The following WWOX variants were observed in gnomAD, a reference collection of about 807,000 sequenced individuals.
WWOX encodes WW domain-containing oxidoreductase.
Under a neutral mutation model 46.2 loss-of-function variants are expected in WWOX, and 69 were observed. That is an observed-to-expected ratio of 1.49 (90% CI 1.23 to 1.82). The LOEUF (loss-of-function observed/expected upper bound fraction) is 1.82. Ranked by LOEUF, WWOX falls within the 40% of genes most tolerant of loss-of-function variation. The pLI is 0.00. For missense variants in WWOX, 919 were observed against 542.6 expected (o/e 1.69, Z -6.89); for synonymous variants, 359 against 202.6 (o/e 1.77, Z -6.56).
intron 8 of WWOX, among the ~76,000 whole-genome samples, chr16:79,155,971 C>A (rs952862991): frequency 6.6e-6 from 1 of 151,872 alleles, no homozygotes; most frequent in African/African-American, 2.4e-5. Flanking sequence ...ATACTTAAAG[C>A]ACCTAAGCAC....
At chr16:78,381,262 A>G (rs2081951546) in intron 5 of WWOX, among the ~76,000 whole-genome samples, 1 of 152,234 alleles carries the variant, frequency 6.6e-6, no homozygotes, top group Admixed American at 6.5e-5. Context: ...CTGTTGCATA[A>G]CAACAAGAAA....
chr16:79,160,308 C>G (rs1444868254), intron 8 of WWOX, among the ~76,000 whole-genome samples: 1 of 152,156 alleles, frequency 6.6e-6, no homozygotes, highest in African/African-American at 2.4e-5. Context: ...GGAAGATAGA[C>G]TCCATGCAAC....
At chr16:78,689,494 C>T (rs1320391673) in intron 8 of WWOX, among the ~76,000 whole-genome samples, 1 of 152,212 alleles carries the variant, frequency 6.6e-6, no homozygotes, top group Non-Finnish European at 1.5e-5. Context: ...CTTGACCTTG[C>T]TCCTCTCTCC....
chr16:78,806,562 G>T (rs991955485), intron 8 of WWOX, among the ~76,000 whole-genome samples: 8 of 152,054 alleles, frequency 5.3e-5, no homozygotes, highest in African/African-American at 1.7e-4. Flanking sequence ...TTGCTGGAGG[G>T]TCTATTGGCT....
intron 8 of WWOX, among the ~76,000 whole-genome samples, chr16:78,699,893 C>G (rs184287747): frequency 6.6e-6 from 1 of 152,092 alleles, no homozygotes. Context: ...TTCATGGAGA[C>G]TGGCATTGTC....
At chr16:78,565,784 G>A (rs1230439368) in intron 8 of WWOX, among the ~76,000 whole-genome samples, 4 of 152,158 alleles carry the variant, frequency 2.6e-5, no homozygotes, top group Non-Finnish European at 4.4e-5. Flanking sequence ...CGCGGAAGTA[G>A]AGAATATAAG....
chr16:78,262,950 A>G (rs1419611711), intron 5 of WWOX, among the ~76,000 whole-genome samples: 3 of 152,122 alleles, frequency 2.0e-5, no homozygotes, highest in Admixed American at 1.3e-4. Flanking sequence ...AGGAGAGACA[A>G]AACAGTTTTT....
intron 8 of WWOX, among the ~76,000 whole-genome samples, chr16:79,056,954 G>T (rs1322695750): frequency 2.0e-5 from 3 of 152,168 alleles, no homozygotes; most frequent in Non-Finnish European, 4.4e-5. Context: ...ATAGGGACAG[G>T]ATATTTATTA....
intron 8 of WWOX, among the ~76,000 whole-genome samples, chr16:79,049,817 AGAGT>A (rs1396377302): frequency 1.3e-5 from 2 of 148,600 alleles, no homozygotes; most frequent in South Asian, 4.4e-4. Flanking sequence ...CCTGGCCGAC[AGAGT>A]GAGACTCTGT....
At chr16:78,763,866 T>G (rs1442780329) in intron 8 of WWOX, among the ~76,000 whole-genome samples, 8 of 152,218 alleles carry the variant, frequency 5.3e-5, no homozygotes, top group Admixed American at 5.2e-4. Flanking sequence ...TGCAGAGTTT[T>G]TGGGGAGTCT....
intron 6 of WWOX, among the ~76,000 whole-genome samples, chr16:78,391,839 A>C (rs1268357024): frequency 1.3e-5 from 2 of 152,184 alleles, no homozygotes; most frequent in East Asian, 3.9e-4. Context: ...TGTCTCAAAC[A>C]AATTACTCCA....
chr16:78,926,380 A>T (rs199553502), intron 8 of WWOX, among the ~76,000 whole-genome samples: 34,441 of 151,908 alleles, frequency 0.23, 6,237 homozygotes, highest in African/African-American at 0.51. Context: ...CAAAAAAAAA[A>T]AAAAAAAGTT....
At chr16:78,114,756 G>C (rs1428476055) in intron 3 of WWOX, among the ~76,000 whole-genome samples, 1 of 152,092 alleles carries the variant, frequency 6.6e-6, no homozygotes, top group Non-Finnish European at 1.5e-5. Context: ...TATGTTATAG[G>C]CAGTTCTGAA....
At chr16:78,810,045 T>G (rs9936644) in intron 8 of WWOX, among the ~76,000 whole-genome samples, 30,834 of 152,174 alleles carry the variant, frequency 0.2, 3,269 homozygotes, top group East Asian at 0.32. Flanking sequence ...TTTCCATTTT[T>G]ATGCTTCCTG....
At chr16:78,460,124 TC>T (rs1216909780) in intron 8 of WWOX, among the ~76,000 whole-genome samples, 1 of 151,390 alleles carries the variant, frequency 6.6e-6, no homozygotes, top group African/African-American at 2.4e-5. Flanking sequence ...TGCCTTCCCC[TC>T]CCCTTCCCTC....
At chr16:79,057,372 C>G (rs999266844) in intron 8 of WWOX, among the ~76,000 whole-genome samples, 1 of 152,176 alleles carries the variant, frequency 6.6e-6, no homozygotes, top group Admixed American at 6.5e-5. Context: ...GAAAAGAAGA[C>G]CACTGTAATT....
intron 8 of WWOX, among the ~76,000 whole-genome samples, chr16:79,158,213 G>A (rs987748348): frequency 5.3e-5 from 8 of 152,006 alleles, no homozygotes; most frequent in South Asian, 2.1e-4. Context: ...AAAATTGGCC[G>A]GGAAGAACTA....
At chr16:78,584,390 G>C (rs1158641035) in intron 8 of WWOX, among the ~76,000 whole-genome samples, 1 of 152,140 alleles carries the variant, frequency 6.6e-6, no homozygotes, top group Non-Finnish European at 1.5e-5. Flanking sequence ...GACTTTCCAG[G>C]CTTGGGATTT....
rs60281450 is a variant in WWOX, at chr16:78,508,310, C to CTTTTTTTTTTTT, written c.1056+75577_1056+75588dup. ...ATAGGCGTGAGCCACTGCGCCCGGC[C>CTTTTTTTTTTTT]TTTTTTTTTTTTTTTTTTTTTTTTT... On this transcript the variant is annotated intron_variant, in intron 8 of 8. Transcript: ENST00000566780. Among the ~76,000 whole-genome samples the CTTTTTTTTTTTT allele has an allele frequency of 5.3e-4, 60 of 112,732 alleles. 3 individuals are homozygous for CTTTTTTTTTTTT. The highest frequency in any genetic ancestry group is 2.7e-3 in the East Asian group (10 of 3,656). The allele number at this position is 112,732 out of a possible 152,430, so 74.0% of individuals were successfully genotyped here. A position where few individuals can be genotyped will look rare whatever the true frequency, so the allele number is the denominator to read the frequency against.
Sources: allele counts gnomAD v4.1 joint callset (sites outside exome capture counted in the v4.1 genomes callset), GRCh38; gene constraint gnomAD v4.1.1; transcripts MANE v1.5; gene names NCBI Gene and HGNC (gene_info 2026-07-23, HGNC 2026-07-21).